The following GRM8 variants were observed in gnomAD, a reference collection of about 807,000 sequenced individuals.
GRM8 encodes the protein metabotropic glutamate receptor 8.
GRM8 carries 47 observed loss-of-function variants against 87.2 expected under a neutral mutation model. The ratio of observed to expected loss-of-function variants is 0.54; its 90% CI spans 0.43 to 0.69. The LOEUF (loss-of-function observed/expected upper bound fraction) is 0.69. Among genes scored for constraint, GRM8 ranks in the 30% least tolerant of loss-of-function variants. The pLI is 0.00. For missense variants in GRM8, 1,019 were observed against 1,139.2 expected (o/e 0.89, Z 1.52); for synonymous variants, 396 against 404.5 (o/e 0.98, Z 0.25).
rs563420403 is a variant in GRM8, at chr7:126,438,934, C to A, written c.*185G>T. ...CACTCATTGGTTTTATTGTATAAAA[C>A]GGGTTTCTTCACTCCCCGTTTATTG... On this transcript the variant is annotated 3_prime_UTR_variant, in exon 11 of 11. Coordinates refer to ENST00000339582, the MANE Select transcript of GRM8 (RefSeq NM_000845.3). The A allele has an allele frequency of 1.1e-5, 6 of 539,972 alleles. No individual in the cohort carries two copies. Among genetic ancestry groups the A allele is most frequent in the African/African-American group, 3.8e-5 (2 of 52,646 alleles). 33.4% of individuals were successfully genotyped at this position (539,972 alleles called of 1,614,324 possible).
intron 7 of GRM8, among the ~76,000 whole-genome samples, chr7:126,727,179 A>AAT (rs1444686876): frequency 1.3e-5 from 2 of 151,858 alleles, no homozygotes; most frequent in African/African-American, 4.8e-5. Context: ...ATACAATATT[A>AAT]ATATATATCA....
chr7:126,652,291 CTTA>C lies in GRM8; in HGVS notation c.1358-42796_1358-42794del, dbSNP rs377179981. Among the ~76,000 whole-genome samples, 499 of 152,136 alleles carry C rather than the reference CTTA, an allele frequency of 3.3e-3. 3 individuals are homozygous for C. Among genetic ancestry groups the C allele is most frequent in the African/African-American group, 0.011 (457 of 41,480 alleles). Reference sequence around the variant, plus strand: ...GCATTATGTTACGTGTAATTATGACCTTATTATTGTCTTTATTTGAAGATAATG... The same window carrying C: ...GCATTATGTTACGTGTAATTATGACCTTATTGTCTTTATTTGAAGATAATG... On this transcript the variant is annotated intron_variant, in intron 7 of 10. Transcript: ENST00000339582.
chr7:127,016,080 T>A lies in GRM8; in HGVS notation c.727+90416A>T, dbSNP rs532715507. On this transcript the variant is annotated intron_variant, in intron 3 of 10. Coordinates refer to ENST00000339582, the MANE Select transcript of GRM8 (RefSeq NM_000845.3). ...TAGTTCTCAAGCCTCTAGTTTCTCT[T>A]CATGACAGTAGCTTTCTATTATGAT... 2.6e-5 allele frequency among the ~76,000 whole-genome samples: 4 copies of A among 152,222 alleles called. No homozygotes were observed. In the East Asian group the frequency reaches 5.8e-4, roughly 22 times the overall value.
intron 9 of GRM8, among the ~76,000 whole-genome samples, chr7:126,508,827 T>C (rs1034554184): frequency 6.6e-6 from 1 of 152,060 alleles, no homozygotes; most frequent in East Asian, 1.9e-4. Context: ...AGAGGAACTT[T>C]TCAATCCTAG....
intron 2 of GRM8, among the ~76,000 whole-genome samples, chr7:127,237,520 G>T (rs1046697237): frequency 6.6e-6 from 1 of 152,178 alleles, no homozygotes; most frequent in Non-Finnish European, 1.5e-5. Flanking sequence ...AACATAGCAG[G>T]GTAGGCGAAG....
intron 3 of GRM8, among the ~76,000 whole-genome samples, chr7:127,051,897 A>ATAGT (rs112015512): frequency 0.08 from 12,130 of 152,182 alleles, 518 homozygotes; most frequent in South Asian, 0.12. Flanking sequence ...AGAATGATAC[A>ATAGT]TAGCCCTTAG....
At chr7:126,722,596 C>T (rs1167576844) in intron 7 of GRM8, among the ~76,000 whole-genome samples, 1 of 152,086 alleles carries the variant, frequency 6.6e-6, no homozygotes, top group Non-Finnish European at 1.5e-5. Flanking sequence ...AATTTTCCAA[C>T]TCTCTGCTAC....
intron 3 of GRM8, among the ~76,000 whole-genome samples, chr7:127,041,045 G>C (rs1306106500): frequency 6.6e-6 from 1 of 152,226 alleles, no homozygotes; most frequent in Admixed American, 6.5e-5. Context: ...CATTGAATTA[G>C]AGTTTTATAG....
In GRM8 at chr7:126,676,371, T is replaced by A. The variant is rs115515383; in HGVS notation, c.1358-66873A>T. 7.4e-3 allele frequency among the ~76,000 whole-genome samples: 1,118 copies of A among 152,106 alleles called. 21 individuals are homozygous for A. Among genetic ancestry groups the A allele is most frequent in the African/African-American group, 0.025 (1,055 of 41,522 alleles). ...CATAATTTTTCACAGAACTAAAAAA[T>A]ATCCTAAAATTCATGTGGAACCAAA... On this transcript the variant is annotated intron_variant, in intron 7 of 10. Transcript: ENST00000339582.
chr7:126,470,306 C>T (rs1156891127), intron 9 of GRM8, among the ~76,000 whole-genome samples: 1 of 151,074 alleles, frequency 6.6e-6, no homozygotes, highest in Non-Finnish European at 1.5e-5. Flanking sequence ...CATCATTTAG[C>T]ATTAGGTATA....
chr7:126,608,090 A>G (rs1297988170), intron 8 of GRM8, among the ~76,000 whole-genome samples: 1 of 151,810 alleles, frequency 6.6e-6, no homozygotes, highest in African/African-American at 2.4e-5. Context: ...AAAATGTGAA[A>G]TAATTCTTCA....
intron 8 of GRM8, among the ~76,000 whole-genome samples, chr7:126,590,371 A>T (rs1796565884): frequency 6.6e-6 from 1 of 152,026 alleles, no homozygotes; most frequent in African/African-American, 2.4e-5. Context: ...GCCTGCAAGA[A>T]GTTTGGGATT....
At chr7:127,124,542 C>T (rs1053148851) in intron 2 of GRM8, among the ~76,000 whole-genome samples, 6 of 152,140 alleles carry the variant, frequency 3.9e-5, no homozygotes, top group Non-Finnish European at 8.8e-5. Flanking sequence ...CCCTTTCATT[C>T]TCACAAGATG....
intron 7 of GRM8, among the ~76,000 whole-genome samples, chr7:126,616,032 A>G (rs1198616287): frequency 6.6e-6 from 1 of 152,190 alleles, no homozygotes; most frequent in Non-Finnish European, 1.5e-5. Flanking sequence ...GACCTAATAG[A>G]CATCTACAGA....
chr7:126,479,317 C>T (rs937059451), intron 9 of GRM8, among the ~76,000 whole-genome samples: 21 of 152,026 alleles, frequency 1.4e-4, no homozygotes, highest in African/African-American at 5.1e-4. Context: ...AGCTTTGCAA[C>T]CATAAATGTA....
rs182526396 is a variant in GRM8 at position 127,156,061 on chromosome 7, T to C, written c.511-49349A>G. Among the ~76,000 whole-genome samples the C allele has an allele frequency of 2.0e-5, 3 of 152,146 alleles. No homozygotes were observed. The East Asian group carries it at 5.8e-4, about 29-fold the overall frequency. On this transcript the variant is annotated intron_variant, in intron 2 of 10. Transcript: ENST00000339582. ...TACTCATAAAAGACAAGGGTATAAA[T>C]CTGGAAACCTAAGATAAAGACTATG...
chr7:127,134,945 CATGA>C (rs1827869800), intron 2 of GRM8, among the ~76,000 whole-genome samples: 2 of 152,032 alleles, frequency 1.3e-5, no homozygotes, highest in Non-Finnish European at 2.9e-5. Flanking sequence ...GTATTAAACA[CATGA>C]ATAACAGAAA....
intron 3 of GRM8, among the ~76,000 whole-genome samples, chr7:126,959,900 C>T (rs1463402279): frequency 6.6e-6 from 1 of 152,218 alleles, no homozygotes; most frequent in Non-Finnish European, 1.5e-5. Context: ...CCTCTCTAAA[C>T]TCAGCTTCCT....
chr7:126,479,470 T>A (rs928829717), intron 9 of GRM8, among the ~76,000 whole-genome samples: 1 of 152,112 alleles, frequency 6.6e-6, no homozygotes, highest in South Asian at 2.1e-4. Context: ...AATAGCCTCA[T>A]ACTATATGCA....
Sources: allele counts gnomAD v4.1 joint callset (sites outside exome capture counted in the v4.1 genomes callset), GRCh38; gene constraint gnomAD v4.1.1; transcripts MANE v1.5; gene names NCBI Gene and HGNC (gene_info 2026-07-23, HGNC 2026-07-21).